The following RALYL variants were observed in gnomAD, a reference collection of about 807,000 sequenced individuals.
RALYL encodes RNA-binding Raly-like protein.
Under a neutral mutation model 35.1 loss-of-function variants are expected in RALYL, and 29 were observed. The ratio of observed to expected loss-of-function variants is 0.83; its 90% CI spans 0.61 to 1.13. RALYL has a LOEUF of 1.13. Ranked by LOEUF, RALYL falls within the 50% of genes most tolerant of loss-of-function variation. RALYL has a pLI of 0.00. For missense variants in RALYL, 359 were observed against 360.4 expected (o/e 1.00, Z 0.03); for synonymous variants, 120 against 127.6 (o/e 0.94, Z 0.40).
chr8:84,781,288 A>G (rs1255316966), intron 3 of RALYL, among the ~76,000 whole-genome samples: 1 of 152,196 alleles, frequency 6.6e-6, no homozygotes, highest in Non-Finnish European at 1.5e-5. Context: ...TATTTTACTT[A>G]TAGTATGTTC....
chr8:84,593,410 G>C (rs2130587149), intron 2 of RALYL, among the ~76,000 whole-genome samples: 1 of 152,120 alleles, frequency 6.6e-6, no homozygotes, highest in South Asian at 2.1e-4. Context: ...AAATCTGGCT[G>C]ACACTAAACA....
chr8:84,506,840 C>A (rs2057208903), intron 1 of RALYL, among the ~76,000 whole-genome samples: 1 of 151,736 alleles, frequency 6.6e-6, no homozygotes. Flanking sequence ...AGCAACTGTG[C>A]ACTTTAAATT....
At chr8:84,862,842 T>C (rs1457736176) in intron 6 of RALYL, among the ~76,000 whole-genome samples, 1 of 152,204 alleles carries the variant, frequency 6.6e-6, no homozygotes, top group Non-Finnish European at 1.5e-5. Context: ...AATTAGTTCA[T>C]GGTTTGAATA....
At chr8:84,459,773 A>G (rs928630415) in intron 1 of RALYL, among the ~76,000 whole-genome samples, 3 of 151,810 alleles carry the variant, frequency 2.0e-5, no homozygotes, top group Non-Finnish European at 4.4e-5. Context: ...TGGTGAAGAC[A>G]TAAAATATCA....
chr8:84,317,247 A>AGAT (rs10652935), intron 1 of RALYL, among the ~76,000 whole-genome samples: 98,102 of 151,710 alleles, frequency 0.65, 32,330 homozygotes, highest in African/African-American at 0.76. Context: ...GGCAAAACAA[A>AGAT]GAATGAAACA....
chr8:84,778,197 C>A (rs1372912415), intron 3 of RALYL, among the ~76,000 whole-genome samples: 1 of 152,196 alleles, frequency 6.6e-6, no homozygotes, highest in Admixed American at 6.6e-5. Context: ...GTCTCTATAA[C>A]TATTCTATTT....
intron 1 of RALYL, among the ~76,000 whole-genome samples, chr8:84,282,123 T>C (rs946744866): frequency 6.6e-6 from 1 of 152,162 alleles, no homozygotes; most frequent in Non-Finnish European, 1.5e-5. Context: ...TGCCTTAAGA[T>C]GTACAAGCTC....
At chr8:84,443,547 A>G (rs1425107390) in intron 1 of RALYL, among the ~76,000 whole-genome samples, 1 of 152,104 alleles carries the variant, frequency 6.6e-6, no homozygotes, top group Admixed American at 6.6e-5. Context: ...AGCTTAATGC[A>G]TGTCTACTCA....
chr8:84,419,792 C>T (rs1301809975), intron 1 of RALYL, among the ~76,000 whole-genome samples: 1 of 147,242 alleles, frequency 6.8e-6, no homozygotes, highest in African/African-American at 2.6e-5. Flanking sequence ...TGAGAATATG[C>T]GGTATTTGTT....
intron 1 of RALYL, among the ~76,000 whole-genome samples, chr8:84,322,276 C>T (rs1048829371): frequency 4.6e-5 from 7 of 151,912 alleles, no homozygotes; most frequent in African/African-American, 1.5e-4. Flanking sequence ...CCATAACAGA[C>T]CAGAACAGAA....
At chr8:84,378,623 T>C (rs566850774) in intron 1 of RALYL, among the ~76,000 whole-genome samples, 1 of 151,994 alleles carries the variant, frequency 6.6e-6, no homozygotes, top group South Asian at 2.1e-4. Flanking sequence ...AACAGACTAC[T>C]CATAAACTAT....
chr8:84,315,179 C>T (rs1250118996), intron 1 of RALYL, among the ~76,000 whole-genome samples: 3 of 152,068 alleles, frequency 2.0e-5, no homozygotes, highest in Admixed American at 1.3e-4. Flanking sequence ...AATTACAACC[C>T]ATATACACAA....
chr8:84,577,848 A>G (rs938900197), intron 2 of RALYL, among the ~76,000 whole-genome samples: 18 of 152,240 alleles, frequency 1.2e-4, no homozygotes, highest in Admixed American at 1.0e-3. Context: ...ATCCTAAGCC[A>G]ATCAAGATTT....
At chr8:84,894,197 T>C (rs146169555) in intron 8 of RALYL, among the ~76,000 whole-genome samples, 1 of 152,312 alleles carries the variant, frequency 6.6e-6, no homozygotes, top group Admixed American at 6.5e-5. Context: ...TTTTGAGACT[T>C]TTTGTTTCTT....
intron 1 of RALYL, among the ~76,000 whole-genome samples, chr8:84,201,442 C>T (rs1022142262): frequency 2.0e-5 from 3 of 152,024 alleles, no homozygotes; most frequent in South Asian, 2.1e-4. Flanking sequence ...GTAATATAAC[C>T]TTGTGAGTAT....
chr8:84,790,405 A>T (rs943128922), intron 3 of RALYL, among the ~76,000 whole-genome samples: 1 of 152,346 alleles, frequency 6.6e-6, no homozygotes, highest in South Asian at 2.1e-4. Context: ...GGAGCAGATC[A>T]TGGGATCTGA....
At chr8:84,603,516 G>T (rs1172468355) in intron 2 of RALYL, among the ~76,000 whole-genome samples, 1 of 151,950 alleles carries the variant, frequency 6.6e-6, no homozygotes, top group Non-Finnish European at 1.5e-5. Flanking sequence ...TGGGAAAAAG[G>T]CCTCTGAGGT....
chr8:84,523,881 T>C (rs948362712), intron 1 of RALYL, among the ~76,000 whole-genome samples: 11 of 152,078 alleles, frequency 7.2e-5, no homozygotes, highest in African/African-American at 9.7e-5. Context: ...TTCCATGTTG[T>C]ATATGTGCCA....
intron 2 of RALYL, among the ~76,000 whole-genome samples, chr8:84,675,928 G>A (rs1327722498): frequency 6.6e-6 from 1 of 152,122 alleles, no homozygotes; most frequent in Non-Finnish European, 1.5e-5. Context: ...CCAACAAAAA[G>A]AGCACATGAA....
Sources: allele counts gnomAD v4.1 joint callset (sites outside exome capture counted in the v4.1 genomes callset), GRCh38; gene constraint gnomAD v4.1.1; transcripts MANE v1.5; gene names NCBI Gene and HGNC (gene_info 2026-07-23, HGNC 2026-07-21).